AGBL4: variants seen among roughly 807,000 people sequenced by gnomAD.
AGBL4 encodes cytosolic carboxypeptidase 6.
AGBL4 carries 58 observed loss-of-function variants against 66.4 expected under a neutral mutation model. That is an observed-to-expected ratio of 0.87 (90% CI 0.71 to 1.09). AGBL4 has a LOEUF of 1.09. Among genes scored for constraint, AGBL4 ranks in the 50% least tolerant of loss-of-function variants. The pLI, the probability that AGBL4 is intolerant of heterozygous loss-of-function variation, is 0.00. For missense variants in AGBL4, 579 were observed against 631.0 expected (o/e 0.92, Z 0.88); for synonymous variants, 234 against 222.9 (o/e 1.05, Z -0.44).
chr1:48,551,431 T>C (rs1280777059), intron 11 of AGBL4, among the ~76,000 whole-genome samples: 1 of 152,198 alleles, frequency 6.6e-6, no homozygotes, highest in Non-Finnish European at 1.5e-5. Flanking sequence ...GCTTTTTTAT[T>C]ATCATTACTA....
At chr1:49,773,332 C>T (rs1333741595) in intron 2 of AGBL4, among the ~76,000 whole-genome samples, 1 of 152,046 alleles carries the variant, frequency 6.6e-6, no homozygotes, top group Admixed American at 6.6e-5. Flanking sequence ...TTATTGTATT[C>T]CTTTGGGAAT....
intron 2 of AGBL4, among the ~76,000 whole-genome samples, chr1:49,748,965 C>G (rs1016694582): frequency 6.6e-6 from 1 of 152,042 alleles, no homozygotes; most frequent in Non-Finnish European, 1.5e-5. Flanking sequence ...GTTGTCTGTT[C>G]GTTCTAATGA....
intron 3 of AGBL4, among the ~76,000 whole-genome samples, chr1:49,695,817 T>C (rs569542811): frequency 2.0e-5 from 3 of 152,202 alleles, no homozygotes; most frequent in South Asian, 4.2e-4. Flanking sequence ...CAGTCTTGTG[T>C]CCATGGTGTT....
chr1:50,023,677 T>C (rs1662617303), intron 1 of AGBL4, 86 bp downstream of exon 1: 1 of 1,454,248 alleles, frequency 6.9e-7, no homozygotes. Flanking sequence ...TCCTCAGGAG[T>C]AGGACCATGC....
intron 3 of AGBL4, among the ~76,000 whole-genome samples, chr1:49,351,720 T>C (rs536152530): frequency 1.3e-5 from 2 of 152,314 alleles, no homozygotes; most frequent in Admixed American, 1.3e-4. Flanking sequence ...TCATGAGTTA[T>C]GGGTAGAAAA....
chr1:48,663,784 C>A (rs1023687702), intron 6 of AGBL4, among the ~76,000 whole-genome samples: 1 of 152,024 alleles, frequency 6.6e-6, no homozygotes. Flanking sequence ...TTGTGTCAGG[C>A]ACATTATACA....
chr1:48,673,964 GCGGATGGA>G (rs2148470421), intron 6 of AGBL4, among the ~76,000 whole-genome samples: 1 of 152,212 alleles, frequency 6.6e-6, no homozygotes, highest in East Asian at 1.9e-4. Flanking sequence ...CCATTTTCTG[GCGGATGGA>G]TCTCACTCCC....
chr1:49,556,792 A>G (rs1278876843), intron 3 of AGBL4, among the ~76,000 whole-genome samples: 1 of 151,892 alleles, frequency 6.6e-6, no homozygotes, highest in African/African-American at 2.4e-5. Flanking sequence ...GTGCGGTGCA[A>G]GGGGTGGGCA....
intron 5 of AGBL4, among the ~76,000 whole-genome samples, chr1:48,911,376 G>A (rs1653080327): frequency 6.6e-6 from 1 of 151,994 alleles, no homozygotes; most frequent in Admixed American, 6.6e-5. Flanking sequence ...CCAGCACTTT[G>A]GGAGGCTGAG....
At chr1:48,853,555 A>G (rs1304300904) in intron 6 of AGBL4, among the ~76,000 whole-genome samples, 1 of 152,210 alleles carries the variant, frequency 6.6e-6, no homozygotes, top group African/African-American at 2.4e-5. Context: ...TATTATTACT[A>G]TCTTGCTTTT....
At chr1:49,161,859 T>C (rs926833899) in intron 4 of AGBL4, among the ~76,000 whole-genome samples, 4 of 152,188 alleles carry the variant, frequency 2.6e-5, no homozygotes, top group African/African-American at 7.2e-5. Context: ...CTCAGGATCA[T>C]GCCTCTTGGG....
intron 1 of AGBL4, among the ~76,000 whole-genome samples, chr1:49,892,084 A>G (rs1260736104): frequency 6.6e-6 from 1 of 152,230 alleles, no homozygotes; most frequent in Non-Finnish European, 1.5e-5. Context: ...CACTGCAATC[A>G]GTGAACAAGA....
intron 6 of AGBL4, among the ~76,000 whole-genome samples, chr1:48,711,014 C>T (rs77650967): frequency 1.3e-5 from 2 of 152,318 alleles, no homozygotes; most frequent in East Asian, 1.9e-4. Flanking sequence ...ACGCCTCACT[C>T]CTGGCACTGT....
At chr1:48,721,873 G>A (rs1471957756) in intron 6 of AGBL4, among the ~76,000 whole-genome samples, 1 of 152,172 alleles carries the variant, frequency 6.6e-6, no homozygotes, top group East Asian at 1.9e-4. Context: ...TCTGACTTTT[G>A]TCATTTATTC....
chr1:49,093,818 G>A (rs528195842), intron 4 of AGBL4, among the ~76,000 whole-genome samples: 3 of 152,132 alleles, frequency 2.0e-5, no homozygotes, highest in Non-Finnish European at 4.4e-5. Flanking sequence ...TATACAATTT[G>A]CCTCTACAGC....
intron 5 of AGBL4, among the ~76,000 whole-genome samples, chr1:48,938,253 A>T (rs2148911644): frequency 6.6e-6 from 1 of 152,306 alleles, no homozygotes; most frequent in Admixed American, 6.5e-5. Context: ...TGCTCAACAA[A>T]TATTAATGTC....
chr1:49,019,825 C>T (rs1663105795), intron 5 of AGBL4, among the ~76,000 whole-genome samples: 1 of 152,180 alleles, frequency 6.6e-6, no homozygotes, highest in African/African-American at 2.4e-5. Context: ...AGTCTCAACT[C>T]TGCCTCTAAT....
chr1:48,952,890 ATTAGTG>A (rs1557495703), intron 5 of AGBL4, among the ~76,000 whole-genome samples: 1 of 151,954 alleles, frequency 6.6e-6, no homozygotes, highest in Non-Finnish European at 1.5e-5. Flanking sequence ...ATCAGCTATC[ATTAGTG>A]TTAGTGCATT....
chr1:49,792,199 G>T lies in AGBL4; in HGVS notation c.157+59197C>A, dbSNP rs544295342. On this transcript the variant is annotated intron_variant, in intron 2 of 13. Coordinates refer to ENST00000371839, the MANE Select transcript of AGBL4 (RefSeq NM_032785.4). Reference sequence around the variant, plus strand: ...TTGAGAGAATTCCCACTAGCTTCGGGGGAGCCATGTTTATGGATCAGCAAC... The same window carrying T: ...TTGAGAGAATTCCCACTAGCTTCGGTGGAGCCATGTTTATGGATCAGCAAC... Among the ~76,000 whole-genome samples the T allele has an allele frequency of 6.6e-5, 10 of 151,908 alleles. No individual in the cohort carries two copies. The South Asian group carries it at 2.1e-3, about 32-fold the overall frequency.
Sources: allele counts gnomAD v4.1 joint callset (sites outside exome capture counted in the v4.1 genomes callset), GRCh38; gene constraint gnomAD v4.1.1; transcripts MANE v1.5; gene names NCBI Gene and HGNC (gene_info 2026-07-23, HGNC 2026-07-21).